The following DLGAP1 variants were observed in gnomAD, a reference collection of about 807,000 sequenced individuals.
The protein encoded by DLGAP1 is DLG associated protein 1.
A neutral mutation model predicts 90.8 loss-of-function variants in DLGAP1; 11 were observed. The observed-to-expected ratio is 0.12, with a 90% confidence interval of 0.08 to 0.20. The LOEUF is 0.20. Ranked by LOEUF, DLGAP1 falls within the 10% of genes least tolerant of loss-of-function variation. DLGAP1 has a pLI of 1.00. For synonymous variants in DLGAP1, 558 were observed against 540.7 expected (o/e 1.03, Z -0.44); for missense variants, 1,050 against 1,333.8 (o/e 0.79, Z 3.31).
intron 3 of DLGAP1, among the ~76,000 whole-genome samples, chr18:3,958,981 C>G (rs2148979810): frequency 1.3e-5 from 2 of 152,264 alleles, no homozygotes; most frequent in Middle Eastern, 6.8e-3. Flanking sequence ...ACCAAAAAAG[C>G]AAAGTGTGAT....
chr18:4,265,655 C>T (rs1462871294), intron 1 of DLGAP1, among the ~76,000 whole-genome samples: 2 of 55,594 alleles, frequency 3.6e-5, no homozygotes, highest in African/African-American at 2.0e-4. Context: ...CTCCCTCCCT[C>T]CCTCCCTCCC....
At chr18:4,038,114 G>A (rs766362170) in intron 2 of DLGAP1, among the ~76,000 whole-genome samples, 3 of 152,120 alleles carry the variant, frequency 2.0e-5, no homozygotes, top group African/African-American at 4.8e-5. Context: ...ATTCTTCATG[G>A]CTCTAAAGAG....
intron 1 of DLGAP1, among the ~76,000 whole-genome samples, chr18:4,419,317 C>T (rs35129628): frequency 0.039 from 5,857 of 152,116 alleles, 145 homozygotes; most frequent in Non-Finnish European, 0.064. Context: ...ATTATGGGAG[C>T]TACAAGATGA....
intron 2 of DLGAP1, among the ~76,000 whole-genome samples, chr18:4,035,743 G>A (rs2074877494): frequency 6.6e-6 from 1 of 152,150 alleles, no homozygotes; most frequent in African/African-American, 2.4e-5. Flanking sequence ...GGTTGCTAAT[G>A]GTTTCTGGCT....
In DLGAP1 at chr18:3,534,567, G is replaced by A. The variant is rs373443663; in HGVS notation, c.2106C>T (p.Ala702=). 156 of 1,611,776 alleles carry A rather than the reference G, an allele frequency of 9.7e-5. No homozygotes were observed. The highest frequency in any genetic ancestry group is 3.3e-4 in the East Asian group (15 of 44,884). ...RSNSVTTAVQ[A]DLDFHDNLEN... is the part of the protein sequence containing the mutation. Reference sequence around the variant, plus strand: ...CCAGATTATCATGGAAGTCCAGGTCGGCCTGTACTGCTGTCGTCACACTGT... The same window carrying A: ...CCAGATTATCATGGAAGTCCAGGTCAGCCTGTACTGCTGTCGTCACACTGT... The change falls in exon 10 of 13, where the codon GCC becomes GCT. Residue 702 remains alanine, a synonymous_variant. Coordinates refer to ENST00000315677, the MANE Select transcript of DLGAP1 (RefSeq NM_004746.4).
intron 8 of DLGAP1, among the ~76,000 whole-genome samples, chr18:3,577,200 C>A (rs1334315584): frequency 6.6e-6 from 1 of 152,196 alleles, no homozygotes; most frequent in East Asian, 1.9e-4. Context: ...AGCTGCTCTG[C>A]ACCACTCTGA....
chr18:4,357,997 A>C (rs2081558048), intron 1 of DLGAP1, among the ~76,000 whole-genome samples: 1 of 152,208 alleles, frequency 6.6e-6, no homozygotes, highest in African/African-American at 2.4e-5. Context: ...CCAAGGCTGG[A>C]GCTTATAACT....
intron 3 of DLGAP1, among the ~76,000 whole-genome samples, chr18:3,882,526 CAA>C (rs111965129): frequency 2.6e-4 from 29 of 113,622 alleles, no homozygotes; most frequent in African/African-American, 3.5e-4. Context: ...GACCCTGTCT[CAA>C]AAAAAAAAAA....
intron 9 of DLGAP1, among the ~76,000 whole-genome samples, chr18:3,543,086 C>T (rs902771833): frequency 1.3e-5 from 2 of 151,756 alleles, no homozygotes; most frequent in African/African-American, 4.8e-5. Context: ...AGTCAACTCC[C>T]AAATTTTAGA....
At chr18:3,578,922 AC>A (rs2055323901) in intron 8 of DLGAP1, among the ~76,000 whole-genome samples, 1 of 152,210 alleles carries the variant, frequency 6.6e-6, no homozygotes, top group African/African-American at 2.4e-5. Flanking sequence ...AAGAATAAGA[AC>A]AATTTTTTTA....
At chr18:4,442,926 T>G (rs1217494623) in intron 1 of DLGAP1, among the ~76,000 whole-genome samples, 2 of 152,230 alleles carry the variant, frequency 1.3e-5, no homozygotes, top group Admixed American at 6.5e-5. Context: ...TCAAAGCACC[T>G]AGAATAGTGC....
chr18:3,766,614 T>C (rs1419950485), intron 5 of DLGAP1, among the ~76,000 whole-genome samples: 1 of 152,058 alleles, frequency 6.6e-6, no homozygotes, highest in South Asian at 2.1e-4. Context: ...AACTGAAATA[T>C]ACATAGTGTA....
At chr18:3,650,230 G>T (rs1015652176) in intron 7 of DLGAP1, among the ~76,000 whole-genome samples, 2 of 152,086 alleles carry the variant, frequency 1.3e-5, no homozygotes, top group South Asian at 4.1e-4. Flanking sequence ...TTTTAGTAGA[G>T]ACAGAGTTTC....
intron 1 of DLGAP1, among the ~76,000 whole-genome samples, chr18:4,210,426 T>C (rs894043831): frequency 2.6e-5 from 4 of 152,172 alleles, no homozygotes; most frequent in African/African-American, 9.7e-5. Context: ...TTTTTGTTGA[T>C]TGGGACACTA....
chr18:4,246,159 A>G (rs1481443988), intron 1 of DLGAP1, among the ~76,000 whole-genome samples: 4 of 152,150 alleles, frequency 2.6e-5, no homozygotes, highest in Non-Finnish European at 5.9e-5. Context: ...CCCCAGTAGG[A>G]GCAGCATGAC....
At chr18:3,944,399 G>C (rs745754675) in intron 3 of DLGAP1, among the ~76,000 whole-genome samples, 24 of 152,202 alleles carry the variant, frequency 1.6e-4, no homozygotes, top group Non-Finnish European at 2.8e-4. Context: ...AGGAGGCTAA[G>C]GCAGGAGAAT....
At chr18:4,214,068 A>T (rs546030185) in intron 1 of DLGAP1, among the ~76,000 whole-genome samples, 88 of 152,288 alleles carry the variant, frequency 5.8e-4, no homozygotes, top group African/African-American at 2.1e-3. Context: ...TGAGGTGAGG[A>T]CAATGCTTCC....
chr18:3,978,979 T>A (rs917011572), intron 3 of DLGAP1, among the ~76,000 whole-genome samples: 30 of 152,114 alleles, frequency 2.0e-4, no homozygotes, highest in African/African-American at 6.0e-4. Context: ...AATAAAGACA[T>A]ACCTATCTGT....
intron 1 of DLGAP1, chr18:4,293,491 G>A (rs1423125981): frequency 6.6e-6 from 1 of 152,158 alleles, no homozygotes; most frequent in Non-Finnish European, 1.5e-5. Flanking sequence ...TGTAAAAGCA[G>A]AACTTCCTCT....
Sources: allele counts gnomAD v4.1 joint callset (sites outside exome capture counted in the v4.1 genomes callset), GRCh38; gene constraint gnomAD v4.1.1; transcripts MANE v1.5; gene names NCBI Gene and HGNC (gene_info 2026-07-23, HGNC 2026-07-21).